The following PVT1 variants were observed in gnomAD, a reference collection of about 807,000 sequenced individuals.
The protein encoded by PVT1 is Pvt1 oncogene.
chr8:128,044,011 ATTTATT>A (rs1188296437), intron 4 of PVT1, among the ~76,000 whole-genome samples: 3,984 of 97,922 alleles, frequency 0.041, 175 homozygotes, highest in African/African-American at 0.12. Context: ...ATTATTATTT[ATTTATT>A]TTTTTTTTTT....
intron 4 of PVT1, among the ~76,000 whole-genome samples, chr8:128,059,859 A>C (rs994213874): frequency 1.3e-5 from 2 of 152,196 alleles, no homozygotes; most frequent in African/African-American, 2.4e-5. Flanking sequence ...TGTTCCTAGA[A>C]CTGGGACTCT....
At chr8:127,924,297 C>G (rs1217277412) in intron 3 of PVT1, among the ~76,000 whole-genome samples, 2 of 152,130 alleles carry the variant, frequency 1.3e-5, no homozygotes, top group African/African-American at 4.8e-5. Context: ...ATATAATTCA[C>G]CTGAAACTCA....
chr8:127,957,767 T>G (rs867267866), intron 3 of PVT1, among the ~76,000 whole-genome samples: 1 of 152,194 alleles, frequency 6.6e-6, no homozygotes. Flanking sequence ...TTGCAGCTTG[T>G]GCTGCGCAGC....
intron 2 of PVT1, among the ~76,000 whole-genome samples, chr8:127,861,829 AT>A (rs1815232513): frequency 6.6e-6 from 1 of 152,144 alleles, no homozygotes; most frequent in South Asian, 2.1e-4. Flanking sequence ...TACTGGTATT[AT>A]TGTCATTGTC....
intron 2 of PVT1, among the ~76,000 whole-genome samples, chr8:127,883,346 C>T (rs760795759): frequency 1.3e-5 from 2 of 152,114 alleles, no homozygotes; most frequent in Non-Finnish European, 1.5e-5. Context: ...GGAGTGGATG[C>T]GCAGAGGTGG....
chr8:127,881,490 G>A (rs369969597), intron 2 of PVT1, among the ~76,000 whole-genome samples: 13 of 148,438 alleles, frequency 8.8e-5, no homozygotes, highest in East Asian at 3.9e-4. Context: ...CACTCTTGTC[G>A]CCCAGGTTGG....
At chr8:128,010,856 G>A (rs10956405) in intron 4 of PVT1, among the ~76,000 whole-genome samples, 99,982 of 152,082 alleles carry the variant, frequency 0.66, 33,404 homozygotes, top group African/African-American at 0.77. Context: ...AAGTTCCCCA[G>A]GGGTTGACAC....
At chr8:127,820,618 G>A (rs1229182604) in intron 2 of PVT1, among the ~76,000 whole-genome samples, 1 of 152,178 alleles carries the variant, frequency 6.6e-6, no homozygotes, top group Non-Finnish European at 1.5e-5. Flanking sequence ...CCAGTTACTG[G>A]TCAGGCAGGG....
intron 3 of PVT1, among the ~76,000 whole-genome samples, chr8:127,943,427 C>A (rs1816377062): frequency 6.6e-6 from 1 of 152,198 alleles, no homozygotes; most frequent in African/African-American, 2.4e-5. Context: ...TGTATGATAT[C>A]AAGACCATGA....
intron 2 of PVT1, among the ~76,000 whole-genome samples, chr8:127,823,328 G>A (rs74428989): frequency 0.033 from 5,088 of 152,304 alleles, 140 homozygotes; most frequent in African/African-American, 0.068. Flanking sequence ...ATATCAAAGA[G>A]AAGGATAGGA....
intron 2 of PVT1, among the ~76,000 whole-genome samples, chr8:127,832,911 T>C (rs1461488006): frequency 6.6e-6 from 1 of 152,016 alleles, no homozygotes; most frequent in East Asian, 1.9e-4. Flanking sequence ...AGAATTCAGG[T>C]ATTGGGTAAA....
At chr8:128,071,512 T>C (rs1234393582) in intron 5 of PVT1, among the ~76,000 whole-genome samples, 1 of 151,094 alleles carries the variant, frequency 6.6e-6, no homozygotes, top group Non-Finnish European at 1.5e-5. Context: ...GAGACCCCCA[T>C]CTCTATAAAA....
chr8:127,871,252 G>T (rs1054912286), intron 2 of PVT1, among the ~76,000 whole-genome samples: 1 of 152,230 alleles, frequency 6.6e-6, no homozygotes, highest in Non-Finnish European at 1.5e-5. Flanking sequence ...TCCACATTTT[G>T]GCCTGGAGTT....
chr8:127,993,794 A>G (rs1236346492), intron 4 of PVT1, among the ~76,000 whole-genome samples: 2 of 138,520 alleles, frequency 1.4e-5, no homozygotes, highest in Non-Finnish European at 3.4e-5. Context: ...TTTACAGTTT[A>G]TAAAGTGATT....
chr8:127,841,386 G>A (rs1373745807), intron 2 of PVT1, among the ~76,000 whole-genome samples: 3 of 152,090 alleles, frequency 2.0e-5, no homozygotes, highest in South Asian at 2.1e-4. Context: ...TGATCTTCCC[G>A]CCTCAGCCTC....
At chr8:127,896,774 T>TCCCCCCCCCCCCCCCCCC (rs71566652) in intron 3 of PVT1, among the ~76,000 whole-genome samples, 2 of 112,312 alleles carry the variant, frequency 1.8e-5, no homozygotes, top group African/African-American at 7.5e-5. Flanking sequence ...ATGCCTTTCC[T>TCCCCCCCCCCCCCCCCCC]CCCCCCCCCC....
intron 2 of PVT1, among the ~76,000 whole-genome samples, chr8:127,860,946 G>C (rs1815221770): frequency 6.6e-6 from 1 of 152,062 alleles, no homozygotes; most frequent in Non-Finnish European, 1.5e-5. Context: ...GGTGGCTTAT[G>C]ACCCATGGTA....
At chr8:127,956,414 A>G (rs997108678) in intron 3 of PVT1, among the ~76,000 whole-genome samples, 8 of 152,186 alleles carry the variant, frequency 5.3e-5, no homozygotes, top group Non-Finnish European at 1.2e-4. Context: ...AAGAACTGCC[A>G]CCTCTTTTCC....
chr8:127,848,966 T>C (rs1815071234), intron 2 of PVT1, among the ~76,000 whole-genome samples: 1 of 152,034 alleles, frequency 6.6e-6, no homozygotes, highest in South Asian at 2.1e-4. Flanking sequence ...GGAGGTGGGG[T>C]TGGAGACACA....
Sources: allele counts gnomAD v4.1 joint callset (sites outside exome capture counted in the v4.1 genomes callset), GRCh38; gene constraint gnomAD v4.1.1; transcripts MANE v1.5; gene names NCBI Gene and HGNC (gene_info 2026-07-23, HGNC 2026-07-21).